KCND2: variants seen among roughly 807,000 people sequenced by gnomAD.
KCND2 encodes A-type voltage-gated potassium channel KCND2.
In KCND2, 16 loss-of-function variants were observed where a neutral mutation model predicts 54.4. The ratio of observed to expected loss-of-function variants is 0.29; its 90% CI spans 0.20 to 0.45. The LOEUF (loss-of-function observed/expected upper bound fraction) is 0.45, where lower values mean the gene tolerates loss of function less well. KCND2 is among the 20% of genes least tolerant of loss of function. KCND2 has a pLI of 1.00. For missense variants in KCND2, 486 were observed against 824.2 expected (o/e 0.59, Z 5.02); for synonymous variants, 317 against 310.7 (o/e 1.02, Z -0.21).
At chr7:120,574,492 T>C (rs1187790657) in intron 1 of KCND2, among the ~76,000 whole-genome samples, 1 of 152,158 alleles carries the variant, frequency 6.6e-6, no homozygotes, top group African/African-American at 2.4e-5. Flanking sequence ...GAGAGAATCT[T>C]AACATTTAAT....
chr7:120,714,981 C>A (rs140277432), intron 1 of KCND2, among the ~76,000 whole-genome samples: 1 of 152,120 alleles, frequency 6.6e-6, no homozygotes, highest in African/African-American at 2.4e-5. Context: ...GAGAATCAAG[C>A]ACTTACATTC....
At chr7:120,683,849 A>G (rs1047360316) in intron 1 of KCND2, among the ~76,000 whole-genome samples, 1 of 152,126 alleles carries the variant, frequency 6.6e-6, no homozygotes, top group African/African-American at 2.4e-5. Flanking sequence ...TGGAAATAGC[A>G]TTTCAGAGAT....
intron 1 of KCND2, among the ~76,000 whole-genome samples, chr7:120,727,113 A>G (rs1039099129): frequency 2.0e-5 from 3 of 152,192 alleles, no homozygotes; most frequent in African/African-American, 7.2e-5. Flanking sequence ...TCAAATGAAC[A>G]TACATTTATA....
At chr7:120,359,527 G>T (rs748921113) in intron 1 of KCND2, among the ~76,000 whole-genome samples, 7 of 152,018 alleles carry the variant, frequency 4.6e-5, no homozygotes, top group Non-Finnish European at 7.4e-5. Flanking sequence ...CATCTATTTT[G>T]TATAAATGGT....
intron 1 of KCND2, among the ~76,000 whole-genome samples, chr7:120,349,474 A>G (rs528249778): frequency 5.3e-5 from 8 of 152,182 alleles, no homozygotes; most frequent in Non-Finnish European, 1.2e-4. Context: ...CTGAACTACT[A>G]TTACTAGAGT....
chr7:120,546,307 G>A (rs1792041961), intron 1 of KCND2, among the ~76,000 whole-genome samples: 3 of 151,952 alleles, frequency 2.0e-5, no homozygotes, highest in Middle Eastern at 3.4e-3. Flanking sequence ...AATTGGAATA[G>A]GAACATCAGC....
At chr7:120,281,323 C>T (rs186457892) in intron 1 of KCND2, among the ~76,000 whole-genome samples, 38 of 151,814 alleles carry the variant, frequency 2.5e-4, no homozygotes, top group African/African-American at 8.2e-4. Flanking sequence ...TACACACACA[C>T]GTATGCATGT....
At chr7:120,368,661 T>A (rs1405744995) in intron 1 of KCND2, among the ~76,000 whole-genome samples, 4 of 152,124 alleles carry the variant, frequency 2.6e-5, no homozygotes, top group African/African-American at 9.6e-5. Flanking sequence ...TATTCCTTTT[T>A]ACTAATTCTC....
At chr7:120,411,710 C>A (rs1366072161) in intron 1 of KCND2, among the ~76,000 whole-genome samples, 3 of 151,926 alleles carry the variant, frequency 2.0e-5, no homozygotes, top group African/African-American at 7.2e-5. Flanking sequence ...TACTCCAAAA[C>A]TTTCACAGTA....
chr7:120,632,672 T>C (rs773900195), intron 1 of KCND2, among the ~76,000 whole-genome samples: 3 of 152,204 alleles, frequency 2.0e-5, no homozygotes, highest in Non-Finnish European at 4.4e-5. Flanking sequence ...ATGGACACTA[T>C]ACATAAATTA....
chr7:120,657,776 A>G (rs946494759), intron 1 of KCND2, among the ~76,000 whole-genome samples: 1 of 152,098 alleles, frequency 6.6e-6, no homozygotes, highest in Non-Finnish European at 1.5e-5. Flanking sequence ...TGAGCCCAGG[A>G]GGTCGAGGCT....
At chr7:120,669,578 C>G (rs143086118) in intron 1 of KCND2, among the ~76,000 whole-genome samples, 1 of 152,194 alleles carries the variant, frequency 6.6e-6, no homozygotes, top group East Asian at 1.9e-4. Context: ...GGAAGGCTGT[C>G]TACAATTGCT....
intron 1 of KCND2, among the ~76,000 whole-genome samples, chr7:120,278,024 T>A (rs1280034467): frequency 6.6e-6 from 1 of 151,968 alleles, no homozygotes; most frequent in Non-Finnish European, 1.5e-5. Flanking sequence ...AGCTAATTAA[T>A]GATCCTGATG....
At chr7:120,335,098 C>T (rs1407349929) in intron 1 of KCND2, among the ~76,000 whole-genome samples, 2 of 152,062 alleles carry the variant, frequency 1.3e-5, no homozygotes, top group Non-Finnish European at 2.9e-5. Context: ...GGCGTGATGG[C>T]TCACACCTGT....
At chr7:120,299,649 GC>G (rs1799559380) in intron 1 of KCND2, among the ~76,000 whole-genome samples, 1 of 152,066 alleles carries the variant, frequency 6.6e-6, no homozygotes, top group Non-Finnish European at 1.5e-5. Context: ...CAAGTTCTCT[GC>G]CAAATGAAAC....
intron 1 of KCND2, among the ~76,000 whole-genome samples, chr7:120,497,788 C>A (rs1802871565): frequency 6.6e-6 from 1 of 152,094 alleles, no homozygotes; most frequent in African/African-American, 2.4e-5. Flanking sequence ...CATTTTTTGA[C>A]CTAAATTAAT....
rs151279954 is a variant in KCND2, at chr7:120,482,084, G to A, written c.1115+206337G>A. 4.5e-3 allele frequency among the ~76,000 whole-genome samples: 678 copies of A among 152,280 alleles called. 6 individuals are homozygous for A. The highest frequency in any genetic ancestry group is 0.017 in the Middle Eastern group (5 of 294). On this transcript the variant is annotated intron_variant, in intron 1 of 5. Coordinates refer to ENST00000331113, the MANE Select transcript of KCND2 (RefSeq NM_012281.3). The stretch of plus-strand genomic sequence containing the variant: ...GGCAGGGTTGCCTGAGGCCTTTGGG[G>A]TCCATCTCCAGCTCCACTGTATCCA...
chr7:120,510,257 G>C (rs1347776018), intron 1 of KCND2, among the ~76,000 whole-genome samples: 2 of 152,098 alleles, frequency 1.3e-5, no homozygotes, highest in Non-Finnish European at 2.9e-5. Flanking sequence ...TAAAGTTCAT[G>C]TTTAACAAAC....
chr7:120,737,674 A>G lies in KCND2; in HGVS notation c.1279-3860A>G, dbSNP rs781695241. ...TGAAAAGATTCCAATAAATGCCTTA[A>G]ACTTCTAAAAGGTGATAAAGTTTAC... On this transcript the variant is annotated intron_variant, in intron 2 of 5. Coordinates refer to ENST00000331113, the MANE Select transcript of KCND2 (RefSeq NM_012281.3). Among the ~76,000 whole-genome samples, 9 of 152,012 alleles carry G rather than the reference A, an allele frequency of 5.9e-5. No individual in the cohort carries two copies. The South Asian group carries it at 6.2e-4, about 11-fold the overall frequency.
Sources: gnomAD v4.1 joint callset for allele counts (sites outside exome capture counted in the v4.1 genomes callset) on GRCh38, gnomAD v4.1.1 for gene constraint, MANE v1.5 for transcripts, NCBI Gene and HGNC (gene_info 2026-07-23, HGNC 2026-07-21) for gene names.